The following CREB3L1 variants were observed in gnomAD, a reference collection of about 807,000 sequenced individuals.
CREB3L1 encodes cyclic AMP-responsive element-binding protein 3-like protein 1.
In CREB3L1, 33 loss-of-function variants were observed where a neutral mutation model predicts 54.5. The ratio of observed to expected loss-of-function variants is 0.61; its 90% CI spans 0.46 to 0.81. The LOEUF is 0.81. Among genes scored for constraint, CREB3L1 ranks in the 30% least tolerant of loss-of-function variants. The pLI is 0.00. For synonymous variants in CREB3L1, 284 were observed against 286.4 expected (o/e 0.99, Z 0.08); for missense variants, 656 against 673.3 (o/e 0.97, Z 0.29).
At chr11:46,298,039 G>T (rs1022162760) in intron 1 of CREB3L1, among the ~76,000 whole-genome samples, 3 of 152,128 alleles carry the variant, frequency 2.0e-5, no homozygotes, top group Admixed American at 2.0e-4. Flanking sequence ...TTCCCCTTAC[G>T]GATAAGGAAA....
At chr11:46,297,802 A>G (rs1297334845) in intron 1 of CREB3L1, among the ~76,000 whole-genome samples, 1 of 151,578 alleles carries the variant, frequency 6.6e-6, no homozygotes, top group Non-Finnish European at 1.5e-5. Context: ...TCCCCCCACA[A>G]CTCCCACCAT....
In CREB3L1 at chr11:46,278,802, C is replaced by T. The variant is rs1019857977; in HGVS notation, c.102+589C>T. 6.6e-6 allele frequency among the ~76,000 whole-genome samples: 1 copy of T among 152,190 alleles called. No individual in the cohort carries two copies. Among genetic ancestry groups the T allele is most frequent in the African/African-American group, 2.4e-5 (1 of 41,434 alleles). Reference sequence around the variant, plus strand: ...GTCAGGGCAACATAGGGTGATGGCTCAGGAGGAGGGAGCCATTTCTCTCCA... The same window carrying T: ...GTCAGGGCAACATAGGGTGATGGCTTAGGAGGAGGGAGCCATTTCTCTCCA... On this transcript the variant is annotated intron_variant, in intron 1 of 11. Coordinates refer to ENST00000621158, the MANE Select transcript of CREB3L1 (RefSeq NM_052854.4). The surrounding 1 kb of genome is among the most constrained non-coding windows in gnomAD (Gnocchi z 4.2).
At chr11:46,299,603 A>G (rs938665143) in intron 1 of CREB3L1, among the ~76,000 whole-genome samples, 1 of 152,252 alleles carries the variant, frequency 6.6e-6, no homozygotes, top group African/African-American at 2.4e-5. Context: ...GACAAAGGTC[A>G]CAGAGCCCAG....
intron 8 of CREB3L1, among the ~76,000 whole-genome samples, chr11:46,314,061 AC>A (rs1372038068): frequency 2.6e-4 from 39 of 151,958 alleles, no homozygotes; most frequent in African/African-American, 9.2e-4. Context: ...ACATGGTGAA[AC>A]CCCCATCTCT....
chr11:46,288,781 T>G (rs1939092463), intron 1 of CREB3L1, among the ~76,000 whole-genome samples: 1 of 152,058 alleles, frequency 6.6e-6, no homozygotes, highest in African/African-American at 2.4e-5. Flanking sequence ...CAGCAACCAG[T>G]GTTGTTGTGG....
intron 2 of CREB3L1, among the ~76,000 whole-genome samples, chr11:46,301,515 A>G (rs983839814): frequency 1.3e-5 from 2 of 151,990 alleles, no homozygotes; most frequent in Admixed American, 1.3e-4. Context: ...CCTCCATCAC[A>G]TGGTGCCTCC....
At chr11:46,309,619 C>T (rs1336994956) in intron 3 of CREB3L1, among the ~76,000 whole-genome samples, 1 of 152,216 alleles carries the variant, frequency 6.6e-6, no homozygotes, top group Non-Finnish European at 1.5e-5. Flanking sequence ...CTACTGCTAC[C>T]AGCCATTGAA....
chr11:46,309,241 C>A (rs1939448958), intron 3 of CREB3L1, among the ~76,000 whole-genome samples: 1 of 152,168 alleles, frequency 6.6e-6, no homozygotes, highest in Admixed American at 6.5e-5. Context: ...CTGGATTCTG[C>A]GTCCCACCCA....
At position 46,312,304 on chromosome 11, in the gene CREB3L1, A is replaced by G. The variant is rs745366677; in HGVS notation, c.754-21A>G. The stretch of plus-strand genomic sequence containing the variant: ...ACCCAGGGCTGCCTGGCTCCTAACT[A>G]CCACATCATACTTCCTACAGAAATT... On this transcript the variant is annotated intron_variant, in intron 5 of 11. Transcript: ENST00000621158. 8 of 1,563,824 alleles carry G rather than the reference A, an allele frequency of 5.1e-6. No individual in the cohort carries two copies. In the Admixed American group the frequency reaches 1.4e-4, roughly 27 times the overall value.
intron 1 of CREB3L1, among the ~76,000 whole-genome samples, chr11:46,297,562 C>A (rs558489931): frequency 6.7e-6 from 1 of 149,280 alleles, no homozygotes; most frequent in Admixed American, 6.7e-5. Context: ...CAGTTTCTCT[C>A]TCTGTCAAAT....
intron 3 of CREB3L1, among the ~76,000 whole-genome samples, chr11:46,309,054 G>A (rs903087516): frequency 2.6e-5 from 4 of 152,188 alleles, no homozygotes; most frequent in Non-Finnish European, 5.9e-5. Context: ...TGAAGCCCAC[G>A]CGAGTGAGGT....
intron 1 of CREB3L1, among the ~76,000 whole-genome samples, chr11:46,293,895 T>G (rs1192511077): frequency 6.6e-6 from 1 of 151,996 alleles, no homozygotes; most frequent in Non-Finnish European, 1.5e-5. Context: ...AATCACTGTT[T>G]GTCTGATCAC....
Position 46,313,558 on chromosome 11 carries a change from C to T in CREB3L1, c.1031+639C>T, listed in dbSNP as rs185801579. Among the ~76,000 whole-genome samples the T allele has an allele frequency of 5.4e-3, 818 of 151,992 alleles. 4 individuals are homozygous for T. The highest frequency in any genetic ancestry group is 0.017 in the African/African-American group (697 of 41,460). ...AAAATTAGCTGGGCGTGGTGGTGGGCGCCTGTAATCCCAGCTACTCGGGAG... is the reference window on the plus strand; with the variant it reads ...AAAATTAGCTGGGCGTGGTGGTGGGTGCCTGTAATCCCAGCTACTCGGGAG... On this transcript the variant is annotated intron_variant, in intron 8 of 11. Coordinates refer to ENST00000621158, the MANE Select transcript of CREB3L1 (RefSeq NM_052854.4).
rs545997093 is a variant in CREB3L1, at chr11:46,320,268, C to T, written c.1263C>T (p.Pro421=). 69 of 1,600,624 alleles carry T rather than the reference C, an allele frequency of 4.3e-5. No individual in the cohort carries two copies. The South Asian group carries it at 6.8e-4, about 16-fold the overall frequency. ...ADGVYTASQM[P]SRSLLFYDDG... is the part of the protein sequence containing the mutation. ...CATCCTACACTCCCTCTCCAGTGCC[C>T]TCCCGAAGCCTCCTATTCTACGATG... Residue 421 remains proline, a synonymous_variant, in exon 11 of 12, where the codon CCC becomes CCT. Coordinates refer to ENST00000621158, the MANE Select transcript of CREB3L1 (RefSeq NM_052854.4).
rs1938920625 is a variant in CREB3L1, at chr11:46,278,772, A to C, written c.102+559A>C. Among the ~76,000 whole-genome samples the C allele has an allele frequency of 6.6e-6, 1 of 152,144 alleles. No homozygotes were observed. The highest frequency in any genetic ancestry group is 2.4e-5 in the African/African-American group (1 of 41,412). On this transcript the variant is annotated intron_variant, in intron 1 of 11. Coordinates refer to ENST00000621158, the MANE Select transcript of CREB3L1 (RefSeq NM_052854.4). This position sits in a 1 kb window ranked among gnomAD's most constrained non-coding sequence, Gnocchi z 4.2. ...GGACCTGAGGCTGGGGGCTGGGAAG[A>C]GGCGGTCAGGGCAACATAGGGTGAT...
chr11:46,319,316 G>A (rs372436692), intron 10 of CREB3L1, among the ~76,000 whole-genome samples: 2 of 152,230 alleles, frequency 1.3e-5, no homozygotes, highest in African/African-American at 2.4e-5. Flanking sequence ...AGATCCCAGG[G>A]CCAGGCAGAC....
chr11:46,302,349 C>A (rs866698791), intron 2 of CREB3L1, among the ~76,000 whole-genome samples: 4 of 152,014 alleles, frequency 2.6e-5, no homozygotes, highest in African/African-American at 4.8e-5. Context: ...CTCCTCTCCC[C>A]CTAACTCCAT....
intron 1 of CREB3L1, among the ~76,000 whole-genome samples, chr11:46,292,100 T>C (rs759431157): frequency 9.9e-5 from 15 of 152,152 alleles, no homozygotes; most frequent in Non-Finnish European, 1.9e-4. Flanking sequence ...GGGACAGCAA[T>C]TCCAGCACTG....
chr11:46,312,077 C>T (rs1939495017), intron 5 of CREB3L1, among the ~76,000 whole-genome samples: 1 of 152,108 alleles, frequency 6.6e-6, no homozygotes, highest in Non-Finnish European at 1.5e-5. Context: ...AGGGTGCAGT[C>T]TCAGGGATGG....
Sources: allele counts gnomAD v4.1 joint callset (sites outside exome capture counted in the v4.1 genomes callset), GRCh38; gene constraint gnomAD v4.1.1; non-coding constraint Gnocchi (gnomAD v3.1); transcripts MANE v1.5; gene names NCBI Gene and HGNC (gene_info 2026-07-23, HGNC 2026-07-21).